AKAP12: variants seen among roughly 807,000 people sequenced by gnomAD.
The protein encoded by AKAP12 is A-kinase anchor protein 12.
In AKAP12, 32 loss-of-function variants were observed where a neutral mutation model predicts 79.9. The ratio of observed to expected loss-of-function variants is 0.40; its 90% CI spans 0.30 to 0.54. The LOEUF is 0.54. AKAP12 is among the 20% of genes least tolerant of loss of function. The pLI is 0.48. For missense variants in AKAP12, 2,074 were observed against 2,177.0 expected (o/e 0.95, Z 0.94); for synonymous variants, 808 against 857.0 (o/e 0.94, Z 1.00).
intron 2 of AKAP12, among the ~76,000 whole-genome samples, chr6:151,274,650 T>C (rs1428801242): frequency 1.3e-5 from 2 of 152,180 alleles, no homozygotes; most frequent in Non-Finnish European, 2.9e-5. Flanking sequence ...TAGAAGTTCC[T>C]ATTTAACACA....
chr6:151,251,462 G>C (rs1797173068), intron 2 of AKAP12, among the ~76,000 whole-genome samples: 1 of 152,128 alleles, frequency 6.6e-6, no homozygotes, highest in Non-Finnish European at 1.5e-5. Context: ...ATATCAGTGG[G>C]GCAGTGAGAT....
intron 2 of AKAP12, among the ~76,000 whole-genome samples, chr6:151,268,945 GTTTTTTTTTTTTTTTTTTTTT>G (rs558502756): frequency 6.5e-5 from 5 of 77,416 alleles, no homozygotes; most frequent in Admixed American, 1.2e-4. Flanking sequence ...TGCTCGGCCT[GTTTTTTTTTTTTTTTTTTTTT>G]TTTTTTTTTT....
intron 2 of AKAP12, among the ~76,000 whole-genome samples, chr6:151,284,670 T>C (rs9383564): frequency 0.46 from 69,835 of 152,002 alleles, 17,092 homozygotes; most frequent in East Asian, 0.78. Flanking sequence ...CACATGTCGA[T>C]GTCTTATTTC....
rs1346858336 is a variant in AKAP12 at position 151,321,203 on chromosome 6, T to C, written c.319+15300T>C. On this transcript the variant is annotated intron_variant, in intron 3 of 4. Transcript: ENST00000402676. ...GATTTCACCATGTTGACCAGGCTGG[T>C]CTTGAACTCCTGACCTCAAGTGATC... 2.0e-5 allele frequency among the ~76,000 whole-genome samples: 3 copies of C among 152,122 alleles called. No homozygotes were observed. In the East Asian group the frequency reaches 5.8e-4, roughly 29 times the overall value.
intron 2 of AKAP12, among the ~76,000 whole-genome samples, chr6:151,241,157 G>T (rs1054419998): frequency 1.3e-5 from 2 of 152,192 alleles, no homozygotes; most frequent in Non-Finnish European, 2.9e-5. Context: ...GCCAGGACTC[G>T]TGGTGGAGCC....
intron 2 of AKAP12, among the ~76,000 whole-genome samples, chr6:151,278,857 C>T (rs1384404998): frequency 2.6e-5 from 4 of 151,936 alleles, no homozygotes; most frequent in East Asian, 2.0e-4. Context: ...TTAGTAGAGA[C>T]AGGGTTTCAC....
At chr6:151,330,509 GA>G (rs1262578719) in intron 3 of AKAP12, among the ~76,000 whole-genome samples, 1 of 152,128 alleles carries the variant, frequency 6.6e-6, no homozygotes, top group Non-Finnish European at 1.5e-5. Flanking sequence ...AATCTTGGGG[GA>G]AAGATAACTA....
intron 2 of AKAP12, among the ~76,000 whole-genome samples, chr6:151,296,681 A>G (rs1183625822): frequency 1.3e-5 from 2 of 152,160 alleles, no homozygotes; most frequent in East Asian, 3.9e-4. Context: ...GGAGGCTGAA[A>G]CGGGAGAATC....
chr6:151,343,419 A>G (rs1014827947), intron 3 of AKAP12, among the ~76,000 whole-genome samples: 1 of 152,200 alleles, frequency 6.6e-6, no homozygotes, highest in African/African-American at 2.4e-5. Flanking sequence ...GTATATTTCC[A>G]ATTATTTTAT....
intron 2 of AKAP12, among the ~76,000 whole-genome samples, chr6:151,299,732 C>T (rs1776815584): frequency 6.6e-6 from 1 of 150,572 alleles, no homozygotes; most frequent in African/African-American, 2.4e-5. Flanking sequence ...TTAACTACTC[C>T]CCTCTACTGA....
chr6:151,290,465 C>T (rs1776593683), intron 2 of AKAP12, among the ~76,000 whole-genome samples: 1 of 152,050 alleles, frequency 6.6e-6, no homozygotes, highest in Non-Finnish European at 1.5e-5. Flanking sequence ...TGGGTGTTAC[C>T]CCAAAAATCT....
chr6:151,288,212 T>A (rs2346898), intron 2 of AKAP12, among the ~76,000 whole-genome samples: 73,698 of 148,766 alleles, frequency 0.5, 19,048 homozygotes, highest in East Asian at 0.89. Context: ...TTAAAGTATT[T>A]AAAAAAAAAA....
rs190920353 is a variant in AKAP12, at chr6:151,350,403, G to A, written c.2012G>A (p.Arg671His). The change falls in exon 4 of 5, where the codon CGC becomes CAC. Residue 671 changes from arginine (R) to histidine (H), a missense_variant. Around this residue, in one of 3 missense-constraint regions of AKAP12, gnomAD observed 1,428 missense variants for 1,451.0 expected, o/e 0.98. Transcript: ENST00000402676. This position sits in a 1 kb window ranked among gnomAD's most constrained non-coding sequence, Gnocchi z 4.8. ...GAGCCAAAGCCGGAAGAACCAAAGCGCAAGGTGGATACCTCAGTATCTTGG... is the reference window on the plus strand; with the variant it reads ...GAGCCAAAGCCGGAAGAACCAAAGCACAAGGTGGATACCTCAGTATCTTGG... ...VEEPKPEEPK[R>H]KVDTSVSWEA... is the part of the protein sequence containing the mutation. 20 of 1,613,952 alleles carry A rather than the reference G, an allele frequency of 1.2e-5. No individual in the cohort carries two copies. The highest frequency in any genetic ancestry group is 5.3e-5 in the African/African-American group (4 of 74,962).
intron 2 of AKAP12, among the ~76,000 whole-genome samples, chr6:151,256,492 A>G (rs1797299751): frequency 2.0e-5 from 3 of 152,078 alleles, no homozygotes; most frequent in Admixed American, 2.0e-4. Flanking sequence ...TTTATATTCT[A>G]ATCTGGGACT....
At chr6:151,280,032 G>A (rs1178593611) in intron 2 of AKAP12, among the ~76,000 whole-genome samples, 2 of 124,348 alleles carry the variant, frequency 1.6e-5, no homozygotes, top group African/African-American at 5.3e-5. Context: ...TATCCTTTCG[G>A]TTGTTGTTTT....
At chr6:151,250,242 T>TAATC (rs1409420813) in intron 2 of AKAP12, among the ~76,000 whole-genome samples, 1 of 152,082 alleles carries the variant, frequency 6.6e-6, no homozygotes, top group East Asian at 1.9e-4. Context: ...CTCACGCGTG[T>TAATC]AATCCCAGCA....
At chr6:151,250,853 G>A (rs1332117260) in intron 2 of AKAP12, among the ~76,000 whole-genome samples, 3 of 151,950 alleles carry the variant, frequency 2.0e-5, no homozygotes, top group Admixed American at 6.6e-5. Flanking sequence ...TGATCCACCC[G>A]CCTCGGCCTC....
chr6:151,345,782 ACT>A (rs1448281409), intron 3 of AKAP12, among the ~76,000 whole-genome samples: 1 of 145,018 alleles, frequency 6.9e-6, no homozygotes, highest in Non-Finnish European at 1.5e-5. Context: ...ACAGAGTGAG[ACT>A]CTGTCTTAAA....
At chr6:151,244,120 C>T (rs912474889) in intron 2 of AKAP12, among the ~76,000 whole-genome samples, 17 of 152,266 alleles carry the variant, frequency 1.1e-4, no homozygotes, top group Admixed American at 9.2e-4. Flanking sequence ...CTCTTGTTAG[C>T]TCCATTTGAT....
Sources: gnomAD v4.1 joint callset for allele counts (sites outside exome capture counted in the v4.1 genomes callset) on GRCh38, gnomAD v4.1.1 for gene constraint, gnomAD v4.1.1 regional missense constraint, Gnocchi (gnomAD v3.1) non-coding constraint, MANE v1.5 for transcripts, NCBI Gene and HGNC (gene_info 2026-07-23, HGNC 2026-07-21) for gene names.